Variants in SUGCT observed in about 807,000 individuals in gnomAD.
The protein encoded by SUGCT is succinyl-CoA:glutarate CoA-transferase.
A neutral mutation model predicts 55.0 loss-of-function variants in SUGCT; 41 were observed. The observed-to-expected ratio is 0.74, with a 90% confidence interval of 0.58 to 0.97. SUGCT has a LOEUF of 0.97. SUGCT is among the 50% of genes least tolerant of loss of function. SUGCT has a pLI of 0.00. For synonymous variants in SUGCT, 187 were observed against 200.4 expected, an observed-to-expected ratio of 0.93 and a Z score of 0.56; for missense variants, 568 against 547.8, an observed-to-expected ratio of 1.04 and a Z score of -0.37.
At chr7:40,954,452 C>G in the SUGCT span, among the ~76,000 whole-genome samples, 1 of 152,184 alleles carries the variant, frequency 6.6e-6, no homozygotes. Context: ...GTGCTGCACC[C>G]ACTGTCCTGC....
rs186409372 is a variant in SUGCT, at chr7:40,589,788, A to G, written c.1089+93402A>G. On this transcript the variant is annotated intron_variant, in intron 12 of 13. Coordinates refer to ENST00000335693, the MANE Select transcript of SUGCT (RefSeq NM_001193313.2). ...GTGAAAACTTAAACCAAATAACAAA[A>G]TGGTAAATTTGTTAATGTTACATGC... is the stretch of plus-strand genomic sequence containing the variant. Among the ~76,000 whole-genome samples, 3 of 152,278 alleles carry G rather than the reference A, an allele frequency of 2.0e-5. No homozygotes were observed. The East Asian group carries it at 5.8e-4, about 29-fold the overall frequency.
At chr7:40,479,191 T>A (rs978856541) in intron 11 of SUGCT, among the ~76,000 whole-genome samples, 3 of 152,166 alleles carry the variant, frequency 2.0e-5, no homozygotes, top group Non-Finnish European at 2.9e-5. Context: ...GAAATGAACA[T>A]GAGAGTGAAG....
rs1332211183 is a variant in SUGCT, at chr7:40,167,036, G to A, written c.101-13911G>A. ...ACTTACCATATAACTCAGCCATTCC[G>A]CTAAGTATTTACACAAGAGAAATGA... On this transcript the variant is annotated intron_variant, in intron 1 of 13. Transcript: ENST00000335693. Among the ~76,000 whole-genome samples, 8 of 152,046 alleles carry A rather than the reference G, an allele frequency of 5.3e-5. No individual in the cohort carries two copies. The South Asian group carries it at 1.2e-3, about 24-fold the overall frequency.
At chr7:40,378,850 C>T (rs193080276) in intron 9 of SUGCT, among the ~76,000 whole-genome samples, 3 of 152,268 alleles carry the variant, frequency 2.0e-5, no homozygotes, top group South Asian at 2.1e-4. Flanking sequence ...CTGATTGAAA[C>T]GCTTTTGTAT....
At chr7:40,730,588 TG>T (rs955172616) in intron 12 of SUGCT, among the ~76,000 whole-genome samples, 1 of 152,222 alleles carries the variant, frequency 6.6e-6, no homozygotes, top group Non-Finnish European at 1.5e-5. Flanking sequence ...AGTTTCAAAA[TG>T]CAATACGTTA....
intron 12 of SUGCT, among the ~76,000 whole-genome samples, chr7:40,601,969 T>C (rs1441749812): frequency 6.6e-6 from 1 of 152,218 alleles, no homozygotes; most frequent in African/African-American, 2.4e-5. Flanking sequence ...CATTTTCATT[T>C]AGAAATAGTT....
intron 13 of SUGCT, among the ~76,000 whole-genome samples, chr7:40,776,750 G>A (rs544962680): frequency 6.6e-6 from 1 of 152,286 alleles, no homozygotes; most frequent in South Asian, 2.1e-4. Flanking sequence ...CTGGTACCTA[G>A]CATTCTGGCT....
chr7:40,324,252 A>AATAAATATATATATAT (rs1554311559), intron 9 of SUGCT, among the ~76,000 whole-genome samples: 17 of 117,618 alleles, frequency 1.4e-4, no homozygotes, highest in African/African-American at 6.0e-4. Context: ...TAAATAAATA[A>AATAAATATATATATAT]ATATATATAT....
chr7:40,564,125 G>A (rs896827003), intron 12 of SUGCT, among the ~76,000 whole-genome samples: 1 of 152,208 alleles, frequency 6.6e-6, no homozygotes, highest in African/African-American at 2.4e-5. Flanking sequence ...TGTAATCCCA[G>A]CACTTTGGGA....
At chr7:40,268,483 CT>C (rs1791762581) in intron 7 of SUGCT, among the ~76,000 whole-genome samples, 1 of 152,016 alleles carries the variant, frequency 6.6e-6, no homozygotes, top group African/African-American at 2.4e-5. Context: ...AGAATAGTTT[CT>C]TTTTTGTTGC....
intron 13 of SUGCT, among the ~76,000 whole-genome samples, chr7:40,803,913 T>C (rs769184151): frequency 1.3e-5 from 2 of 152,222 alleles, no homozygotes; most frequent in African/African-American, 2.4e-5. Context: ...ACATTACTTT[T>C]GGAAGAGGAG....
At chr7:40,615,272 G>A (rs568424311) in intron 12 of SUGCT, among the ~76,000 whole-genome samples, 13 of 150,742 alleles carry the variant, frequency 8.6e-5, no homozygotes, top group Non-Finnish European at 1.3e-4. Context: ...AACAAATGTC[G>A]CAATACAATA....
chr7:40,662,430 A>G (rs1278821172), intron 12 of SUGCT, among the ~76,000 whole-genome samples: 1 of 152,180 alleles, frequency 6.6e-6, no homozygotes, highest in African/African-American at 2.4e-5. Flanking sequence ...AATCGCTTTT[A>G]TTATCATAGG....
chr7:40,313,137 A>T (rs1337059452), intron 8 of SUGCT, among the ~76,000 whole-genome samples: 1 of 152,216 alleles, frequency 6.6e-6, no homozygotes, highest in Non-Finnish European at 1.5e-5. Context: ...TGTTATCTAA[A>T]ATAATAGTTT....
At chr7:40,257,962 T>C (rs766350879) in intron 7 of SUGCT, among the ~76,000 whole-genome samples, 1 of 152,204 alleles carries the variant, frequency 6.6e-6, no homozygotes, top group Admixed American at 6.6e-5. Context: ...TTACTTTCAA[T>C]TGGAGGATGC....
At chr7:40,971,539 G>C in the SUGCT span, among the ~76,000 whole-genome samples, 2 of 152,226 alleles carry the variant, frequency 1.3e-5, no homozygotes, top group African/African-American at 2.4e-5. Flanking sequence ...GCAGAGGTTA[G>C]TCAGTGATTG....
intron 13 of SUGCT, among the ~76,000 whole-genome samples, chr7:40,797,748 T>A (rs1239499876): frequency 6.6e-6 from 1 of 152,236 alleles, no homozygotes; most frequent in Non-Finnish European, 1.5e-5. Flanking sequence ...GCTGCTTTGC[T>A]TAGAAGAGCT....
At chr7:40,498,005 A>G (rs569276136) in intron 12 of SUGCT, among the ~76,000 whole-genome samples, 26 of 152,270 alleles carry the variant, frequency 1.7e-4, no homozygotes, top group African/African-American at 5.8e-4. Context: ...TAGGATTTTT[A>G]TAACTAATTT....
the SUGCT span, among the ~76,000 whole-genome samples, chr7:40,952,412 G>A: frequency 6.6e-6 from 1 of 152,032 alleles, no homozygotes; most frequent in African/African-American, 2.4e-5. Context: ...TATCCAATTT[G>A]CCAGTCTGTG....
Sources: allele counts gnomAD v4.1 joint callset (sites outside exome capture counted in the v4.1 genomes callset), GRCh38; gene constraint gnomAD v4.1.1; transcripts MANE v1.5; gene names NCBI Gene and HGNC (gene_info 2026-07-23, HGNC 2026-07-21).